TRAF5: variants seen among roughly 807,000 people sequenced by gnomAD.
TRAF5 encodes TNF receptor-associated factor 5.
A neutral mutation model predicts 64.5 loss-of-function variants in TRAF5; 48 were observed. That is an observed-to-expected ratio of 0.74 (90% confidence interval 0.59 to 0.95). TRAF5 has a LOEUF of 0.95. TRAF5 is among the 40% of genes least tolerant of loss of function. The pLI, the probability that TRAF5 is intolerant of heterozygous loss-of-function variation, is 0.00. For synonymous variants in TRAF5, 206 were observed against 240.5 expected, an observed-to-expected ratio of 0.86 and a Z score of 1.33; for missense variants, 545 against 662.8, an observed-to-expected ratio of 0.82 and a Z score of 1.95.
intron 1 of TRAF5, among the ~76,000 whole-genome samples, chr1:211,331,494 C>T (rs1224420611): frequency 6.6e-6 from 1 of 152,202 alleles, no homozygotes; most frequent in Non-Finnish European, 1.5e-5. Flanking sequence ...AATATATACA[C>T]AGAGCCTGGA....
chr1:211,335,085 T>G (rs1702255185), intron 1 of TRAF5, among the ~76,000 whole-genome samples: 1 of 152,166 alleles, frequency 6.6e-6, no homozygotes, highest in Admixed American at 6.5e-5. Context: ...AAGGAAATGA[T>G]ATAGTTGGTC....
chr1:211,371,314 C>T lies in TRAF5; in HGVS notation c.943C>T (p.His315Tyr). ...FLPNIQVFAS[H>Y]IDKSAWLEAQ... ...TTTGTAATGAAAGGTTTTTGCCAGT[C>T]ACATTGACAAGTCAGCTTGGCTAGA... Residue 315 changes from histidine (H) to tyrosine (Y), a missense_variant, in exon 10 of 11, where the codon CAC (histidine) becomes TAC (tyrosine). His to Tyr is a moderately conservative substitution (Grantham distance 83, BLOSUM62 2). Coordinates refer to ENST00000261464, the MANE Select transcript of TRAF5 (RefSeq NM_001033910.3). The T allele has an allele frequency of 6.3e-7, 1 of 1,584,066 alleles. No individual in the cohort carries two copies. The highest frequency in any genetic ancestry group is 1.2e-5 in the South Asian group (1 of 84,750).
intron 1 of TRAF5, among the ~76,000 whole-genome samples, chr1:211,343,278 C>G (rs924897562): frequency 6.6e-6 from 1 of 152,244 alleles, no homozygotes; most frequent in African/African-American, 2.4e-5. Context: ...AGAGTTCATG[C>G]TGGTAATTGT....
chr1:211,332,272 C>T (rs1207660775), intron 1 of TRAF5, among the ~76,000 whole-genome samples: 5 of 152,328 alleles, frequency 3.3e-5, no homozygotes, highest in Middle Eastern at 3.4e-3. Context: ...AACAAAAATA[C>T]AAGCTCTGGC....
Position 211,364,387 on chromosome 1 carries a change from T to C in TRAF5, c.697-989T>C, listed in dbSNP as rs558918558. 3.3e-5 allele frequency among the ~76,000 whole-genome samples: 5 copies of C among 152,276 alleles called. No individual in the cohort carries two copies. The South Asian group carries it at 1.0e-3, about 32-fold the overall frequency. On this transcript the variant is annotated intron_variant, in intron 7 of 10. Transcript: ENST00000261464. ...GACAGGAGGAAGAACTAGCGTTGAC[T>C]TAAAACTGATTTGAAGAGGCCAGGC...
intron 3 of TRAF5, among the ~76,000 whole-genome samples, chr1:211,355,172 CAAAA>C (rs34405743): frequency 7.8e-6 from 1 of 128,390 alleles, no homozygotes; most frequent in Admixed American, 7.9e-5. Flanking sequence ...GACTCTGTCT[CAAAA>C]AAAAAAAAAG....
chr1:211,356,469 G>A lies in TRAF5; in HGVS notation c.378+1G>A, dbSNP rs750952367. ...CAAGGTTATTCTGGGCCGGTACCAGGTTGGTATTACTCATGAACGATATCT... is the reference window on the plus strand; with the variant it reads ...CAAGGTTATTCTGGGCCGGTACCAGATTGGTATTACTCATGAACGATATCT... On this transcript the variant is annotated splice_donor_variant, in intron 4 of 10. Transcript: ENST00000261464. LOFTEE classifies it high-confidence loss of function. 1 of 1,613,798 alleles carries A rather than the reference G, an allele frequency of 6.2e-7. No individual in the cohort carries two copies. The highest frequency in any genetic ancestry group is 1.1e-5 in the South Asian group (1 of 91,074).
chr1:211,340,220 C>T (rs1702410048), intron 1 of TRAF5, among the ~76,000 whole-genome samples: 1 of 152,154 alleles, frequency 6.6e-6, no homozygotes, highest in Non-Finnish European at 1.5e-5. Flanking sequence ...GTTGGCTGTG[C>T]ATCCAAGCTC....
chr1:211,368,912 TAGAC>T (rs1217814224), intron 8 of TRAF5: 7 of 152,268 alleles, frequency 4.6e-5, no homozygotes, highest in Non-Finnish European at 7.3e-5. Flanking sequence ...AAGGGTATGA[TAGAC>T]AGTCAGCAAG....
chr1:211,340,862 G>A (rs546505467), intron 1 of TRAF5, among the ~76,000 whole-genome samples: 2 of 152,302 alleles, frequency 1.3e-5, no homozygotes, highest in African/African-American at 2.4e-5. Flanking sequence ...CTCCACAATC[G>A]CGATGGCCCT....
At chr1:211,360,526 T>C in intron 5 of TRAF5, 176 bp from the exon 6 acceptor site, 1 of 547,850 alleles carries the variant, frequency 1.8e-6, no homozygotes. Flanking sequence ...TTTAATATTT[T>C]AATTAAGTTC....
chr1:211,372,735 G>A lies in TRAF5; in HGVS notation c.*33G>A. The stretch of plus-strand genomic sequence containing the variant: ...TATGGGGTGATAAGAGGACTTCTTG[G>A]GGCCAGAACTGTGGAGGAGAGCACA... On this transcript the variant is annotated 3_prime_UTR_variant, in exon 11 of 11. Coordinates refer to ENST00000261464, the MANE Select transcript of TRAF5 (RefSeq NM_001033910.3). 6.3e-7 allele frequency: 1 copy of A among 1,581,946 alleles called. No homozygotes were observed. The highest frequency in any genetic ancestry group is 8.7e-7 in the Non-Finnish European group (1 of 1,155,058).
intron 1 of TRAF5, among the ~76,000 whole-genome samples, chr1:211,340,445 C>T (rs1321458215): frequency 6.6e-6 from 1 of 152,128 alleles, no homozygotes; most frequent in Admixed American, 6.5e-5. Context: ...CCACCACGCC[C>T]AGCTTTTTGT....
chr1:211,354,038 G>A (rs1044079564), intron 2 of TRAF5, among the ~76,000 whole-genome samples: 6 of 151,508 alleles, frequency 4.0e-5, no homozygotes, highest in Non-Finnish European at 7.3e-5. Context: ...TTCAGCACCT[G>A]TGTGTTCTGT....
chr1:211,365,260 T>C, intron 7 of TRAF5, 116 bp from the exon 8 acceptor site: 1 of 810,414 alleles, frequency 1.2e-6, no homozygotes. Context: ...TGGTGCGTGT[T>C]TAAACTATTA....
intron 8 of TRAF5, among the ~76,000 whole-genome samples, chr1:211,368,305 T>C (rs12085730): frequency 0.04 from 6,107 of 152,288 alleles, 299 homozygotes; most frequent in East Asian, 0.25. Context: ...TGTCTCTTAA[T>C]ATTATTCTGG....
rs10863892 is a variant in TRAF5 at position 211,358,492 on chromosome 1, A to C, written c.379-1420A>C. 2.0e-3 allele frequency: 155 copies of C among 78,508 alleles called. 1 individual carries two copies. Among genetic ancestry groups the C allele is most frequent in the East Asian group, 0.015 (13 of 868 alleles). 4.9% of individuals were successfully genotyped at this position (78,508 alleles called of 1,614,324 possible). ...ACTCTGTCTAAAAAAAAAAAAAAAC[A>C]AAAAAAAACCTAGAATGTCCAGCCT... On this transcript the variant is annotated intron_variant, in intron 4 of 10. Transcript: ENST00000261464.
rs112217866 is a variant in TRAF5, at chr1:211,337,492, G to A, written c.-2+10603G>A. On this transcript the variant is annotated intron_variant, in intron 1 of 10. Transcript: ENST00000261464. ...CTAAGGACACTGGCTTCTACCCCGAGTGCAATGGGGCCATTGGAGCAGAGG... is the reference window on the plus strand; with the variant it reads ...CTAAGGACACTGGCTTCTACCCCGAATGCAATGGGGCCATTGGAGCAGAGG... 3.5e-3 allele frequency among the ~76,000 whole-genome samples: 528 copies of A among 152,296 alleles called. 5 individuals carry two copies. The highest frequency in any genetic ancestry group is 0.012 in the African/African-American group (496 of 41,564).
rs142621682 is a variant in TRAF5, at chr1:211,358,872, G to T, written c.379-1040G>T. On this transcript the variant is annotated intron_variant, in intron 4 of 10. Transcript: ENST00000261464. ...TATTGTTTATAATAAATACATTATT[G>T]ACATGTAAATAAATGTTTATTTTTA... 120 of 147,118 alleles carry T rather than the reference G, an allele frequency of 8.2e-4. 1 individual carries two copies. The highest frequency in any genetic ancestry group is 2.9e-3 in the African/African-American group (116 of 40,366). The allele number at this position is 147,118 out of a possible 1,614,324, so 9.1% of individuals were successfully genotyped here. A position where few individuals can be genotyped will look rare whatever the true frequency, so the allele number is the denominator to read the frequency against.
Sources: gnomAD v4.1 joint callset for allele counts (sites outside exome capture counted in the v4.1 genomes callset) on GRCh38, gnomAD v4.1.1 for gene constraint, MANE v1.5 for transcripts, NCBI Gene and HGNC (gene_info 2026-07-23, HGNC 2026-07-21) for gene names.